Variants in CCDC30 observed in about 807,000 individuals in gnomAD.
CCDC30 encodes the protein coiled-coil domain-containing protein 30.
Under a neutral mutation model 100.2 loss-of-function variants are expected in CCDC30, and 70 were observed. The observed-to-expected ratio is 0.70, with a 90% CI of 0.58 to 0.85. The LOEUF (loss-of-function observed/expected upper bound fraction) is 0.85, where lower values mean the gene tolerates loss of function less well. Ranked by LOEUF, CCDC30 falls within the 40% of genes least tolerant of loss-of-function variation. The pLI is 0.00. For synonymous variants in CCDC30, 233 were observed against 269.5 expected (o/e 0.86, Z 1.33); for missense variants, 652 against 771.2 (o/e 0.85, Z 1.83).
At chr1:42,638,649 A>G (rs1227551840) in intron 12 of CCDC30, among the ~76,000 whole-genome samples, 2 of 151,904 alleles carry the variant, frequency 1.3e-5, no homozygotes, top group Non-Finnish European at 2.9e-5. Context: ...CGAGGTGGGC[A>G]GATCACCTGA....
intron 6 of CCDC30, among the ~76,000 whole-genome samples, chr1:42,530,094 A>G (rs895940557): frequency 6.6e-6 from 1 of 152,206 alleles, no homozygotes; most frequent in African/African-American, 2.4e-5. Context: ...ACATGCAACC[A>G]TGGACATCAT....
chr1:42,600,616 T>C (rs551979955), intron 10 of CCDC30, among the ~76,000 whole-genome samples: 24 of 152,306 alleles, frequency 1.6e-4, no homozygotes, highest in African/African-American at 5.3e-4. Context: ...GACCCTGATA[T>C]GGTTTGGCTC....
At chr1:42,497,750 C>T (rs1020963942) in intron 5 of CCDC30, among the ~76,000 whole-genome samples, 24 of 152,050 alleles carry the variant, frequency 1.6e-4, no homozygotes, top group African/African-American at 5.3e-4. Context: ...TGACTAAAGA[C>T]CCATCAGGAT....
intron 6 of CCDC30, chr1:42,534,873 C>T (rs990290783): frequency 6.6e-6 from 1 of 151,828 alleles, no homozygotes; most frequent in Admixed American, 6.6e-5. Flanking sequence ...CATTTTGTAA[C>T]TGGTGATTTA....
At chr1:42,629,969 ATTTTT>A (rs4019432) in intron 11 of CCDC30, among the ~76,000 whole-genome samples, 2,054 of 90,156 alleles carry the variant, frequency 0.023, 40 homozygotes, top group African/African-American at 0.075. Flanking sequence ...ATGTCCCCCT[ATTTTT>A]TTTTTTTTTT....
At chr1:42,508,108 C>G (rs1407319723) in intron 6 of CCDC30, among the ~76,000 whole-genome samples, 1 of 152,186 alleles carries the variant, frequency 6.6e-6, no homozygotes, top group African/African-American at 2.4e-5. Context: ...AATTGGATTA[C>G]TGGCTTCAGG....
intron 1 of CCDC30, among the ~76,000 whole-genome samples, chr1:42,465,955 A>G (rs1353378769): frequency 3.3e-5 from 5 of 152,152 alleles, no homozygotes; most frequent in Non-Finnish European, 5.9e-5. Context: ...AGTTATGTAC[A>G]TTTTGCCTTT....
chr1:42,580,650 A>G (rs1038968567), intron 8 of CCDC30, among the ~76,000 whole-genome samples: 8 of 152,052 alleles, frequency 5.3e-5, no homozygotes, highest in Non-Finnish European at 7.4e-5. Flanking sequence ...AAAAGGCAAG[A>G]AAAAAATGTT....
At chr1:42,534,711 A>G (rs1366982163) in intron 6 of CCDC30, among the ~76,000 whole-genome samples, 3 of 152,258 alleles carry the variant, frequency 2.0e-5, no homozygotes, top group African/African-American at 2.4e-5. Flanking sequence ...ACCAAACAAC[A>G]GCAAAGTCTC....
intron 1 of CCDC30, among the ~76,000 whole-genome samples, chr1:42,469,170 G>A (rs560609522): frequency 3.9e-5 from 6 of 152,218 alleles, no homozygotes; most frequent in Admixed American, 2.0e-4. Context: ...CTTGAGCCCC[G>A]GTGTTCAATT....
intron 7 of CCDC30, chr1:42,571,096 C>A (rs1645724165): frequency 6.6e-6 from 1 of 152,222 alleles, no homozygotes; most frequent in Admixed American, 6.5e-5. Context: ...TCATTACCAG[C>A]ATCGCCAAAA....
intron 11 of CCDC30, among the ~76,000 whole-genome samples, chr1:42,635,909 A>G (rs1238988543): frequency 2.0e-5 from 3 of 151,964 alleles, no homozygotes; most frequent in Non-Finnish European, 4.4e-5. Flanking sequence ...CCTGCAGTGT[A>G]TAAGGGTTCC....
At chr1:42,539,414 A>T in intron 6 of CCDC30, 104 bp downstream of exon 8, 2 of 1,029,066 alleles carry the variant, frequency 1.9e-6, no homozygotes, top group Admixed American at 5.6e-5. Flanking sequence ...TGGGAATTGG[A>T]GTTTCTTCTA....
chr1:42,635,395 T>C (rs1344679971), intron 11 of CCDC30, among the ~76,000 whole-genome samples: 2 of 152,206 alleles, frequency 1.3e-5, no homozygotes, highest in Non-Finnish European at 2.9e-5. Flanking sequence ...CAATCTGGGT[T>C]GTTTCCACCT....
At chr1:42,523,737 C>A (rs988131754) in intron 6 of CCDC30, among the ~76,000 whole-genome samples, 2 of 152,070 alleles carry the variant, frequency 1.3e-5, no homozygotes, top group Non-Finnish European at 1.5e-5. Context: ...TGATGATGTC[C>A]CACAGCTGCC....
intron 10 of CCDC30, among the ~76,000 whole-genome samples, chr1:42,604,436 C>G (rs1337252383): frequency 6.6e-6 from 1 of 152,186 alleles, no homozygotes; most frequent in African/African-American, 2.4e-5. Flanking sequence ...TCTGCTATCC[C>G]AGATTATCTA....
intron 10 of CCDC30, chr1:42,594,699 CTTAAA>C (rs921538372): frequency 2.0e-5 from 3 of 151,884 alleles, no homozygotes; most frequent in African/African-American, 7.3e-5. Context: ...GACCTCATTT[CTTAAA>C]TTAAAACATC....
intron 1 of CCDC30, among the ~76,000 whole-genome samples, chr1:42,470,672 A>C (rs1353895468): frequency 6.6e-6 from 1 of 152,252 alleles, no homozygotes; most frequent in African/African-American, 2.4e-5. Flanking sequence ...TGAATCTTGA[A>C]GACATTATGC....
intron 11 of CCDC30, among the ~76,000 whole-genome samples, chr1:42,618,691 A>G (rs1237412022): frequency 6.6e-6 from 1 of 152,200 alleles, no homozygotes; most frequent in African/African-American, 2.4e-5. Flanking sequence ...GTACATGCCT[A>G]TATTATGTAG....
Sources: gnomAD v4.1 joint callset for allele counts (sites outside exome capture counted in the v4.1 genomes callset) on GRCh38, gnomAD v4.1.1 for gene constraint, MANE v1.5 for transcripts, NCBI Gene and HGNC (gene_info 2026-07-23, HGNC 2026-07-21) for gene names.